The following TMEM132D variants were observed in gnomAD, a reference collection of about 807,000 sequenced individuals.
The protein encoded by TMEM132D is transmembrane protein 132D.
TMEM132D carries 21 observed loss-of-function variants against 62.3 expected under a neutral mutation model. The ratio of observed to expected loss-of-function variants is 0.34; its 90% CI spans 0.24 to 0.49. The LOEUF is 0.49. Ranked by LOEUF, TMEM132D falls within the 20% of genes least tolerant of loss-of-function variation. The pLI is 0.99. For missense variants in TMEM132D, 1,346 were observed against 1,402.8 expected (o/e 0.96, Z 0.65); for synonymous variants, 621 against 575.6 (o/e 1.08, Z -1.13).
At chr12:129,157,174 T>C (rs1877272541) in intron 5 of TMEM132D, among the ~76,000 whole-genome samples, 2 of 151,438 alleles carry the variant, frequency 1.3e-5, no homozygotes, top group Admixed American at 1.3e-4. Flanking sequence ...ATAACTAGCC[T>C]ACTCCCAAGA....
chr12:129,211,500 G>A (rs914650154), intron 4 of TMEM132D, among the ~76,000 whole-genome samples: 5 of 152,150 alleles, frequency 3.3e-5, no homozygotes, highest in Admixed American at 2.0e-4. Context: ...TTAGTAGAAT[G>A]CCAGCAGAAG....
chr12:129,698,791 G>C, intron 2 of TMEM132D, among the ~76,000 whole-genome samples: 1 of 149,122 alleles, frequency 6.7e-6, no homozygotes, highest in Non-Finnish European at 1.5e-5. Flanking sequence ...GAAAGAGAGG[G>C]AGAAAGAAAA....
intron 3 of TMEM132D, among the ~76,000 whole-genome samples, chr12:129,355,822 G>C (rs1284631491): frequency 6.6e-6 from 1 of 152,152 alleles, no homozygotes; most frequent in Non-Finnish European, 1.5e-5. Flanking sequence ...GCCCACAAGC[G>C]CAAAGAGCCT....
intron 5 of TMEM132D, among the ~76,000 whole-genome samples, chr12:129,116,918 C>CAAAAAAAAAAAAAAAAAAAAA (rs60513263): frequency 3.4e-5 from 2 of 58,988 alleles, no homozygotes; most frequent in African/African-American, 6.7e-5. Flanking sequence ...AAAATTTCCG[C>CAAAAAAAAAAAAAAAAAAAAA]AAAAAAAAAA....
chr12:129,631,816 C>T (rs1292206745), intron 2 of TMEM132D, among the ~76,000 whole-genome samples: 3 of 152,102 alleles, frequency 2.0e-5, no homozygotes, highest in African/African-American at 4.8e-5. Context: ...GAGCCATTGG[C>T]ATCCTAAAGA....
intron 3 of TMEM132D, among the ~76,000 whole-genome samples, chr12:129,360,010 A>C (rs1312100939): frequency 6.6e-6 from 1 of 152,130 alleles, no homozygotes; most frequent in African/African-American, 2.4e-5. Context: ...GAAAAAAAAA[A>C]AACCCCATTT....
At chr12:129,773,130 G>A (rs1870811400) in intron 1 of TMEM132D, among the ~76,000 whole-genome samples, 1 of 152,234 alleles carries the variant, frequency 6.6e-6, no homozygotes, top group Non-Finnish European at 1.5e-5. Context: ...TGCCCTGTAG[G>A]CATTCCATTC....
chr12:129,151,534 CA>C, intron 5 of TMEM132D, among the ~76,000 whole-genome samples: 1 of 152,316 alleles, frequency 6.6e-6, no homozygotes, highest in South Asian at 2.1e-4. Context: ...TCACCACACC[CA>C]GGGGTGACAT....
In TMEM132D at chr12:129,529,134, T is replaced by C. The variant is rs529195295; in HGVS notation, c.1115+1925A>G. ...CAGACCCATAGTATGAGGAAACATATCCTGGCCTCCAGAAGACAAGAAGAA... is the reference window on the plus strand; with the variant it reads ...CAGACCCATAGTATGAGGAAACATACCCTGGCCTCCAGAAGACAAGAAGAA... On this transcript the variant is annotated intron_variant, in intron 3 of 8. Coordinates refer to ENST00000422113, the MANE Select transcript of TMEM132D (RefSeq NM_133448.3). 2.6e-5 allele frequency among the ~76,000 whole-genome samples: 4 copies of C among 152,220 alleles called. No homozygotes were observed. In the South Asian group the frequency reaches 8.3e-4, roughly 32 times the overall value.
chr12:129,164,072 T>C (rs1877472428), intron 5 of TMEM132D, among the ~76,000 whole-genome samples: 1 of 151,998 alleles, frequency 6.6e-6, no homozygotes, highest in South Asian at 2.1e-4. Context: ...CTTCAAGGAG[T>C]TACCCAGTAT....
Position 129,087,855 on chromosome 12 carries a change from G to A in TMEM132D, c.1444-3153C>T, listed in dbSNP as rs572143319. Among the ~76,000 whole-genome samples, 109 of 119,894 alleles carry A rather than the reference G, an allele frequency of 9.1e-4. 5 individuals carry two copies. The highest frequency in any genetic ancestry group is 2.9e-3 in the African/African-American group (102 of 35,010). The allele number at this position is 119,894 out of a possible 152,430, so 78.7% of individuals were successfully genotyped here. On this transcript the variant is annotated intron_variant, in intron 5 of 8. Coordinates refer to ENST00000422113, the MANE Select transcript of TMEM132D (RefSeq NM_133448.3). ...GGAGAATGACACACCGCAGAGCCCC[G>A]GGGTGTCCTCCATGACCGGGTGTCC...
At chr12:129,798,814 C>T (rs769351761) in intron 1 of TMEM132D, among the ~76,000 whole-genome samples, 5 of 151,826 alleles carry the variant, frequency 3.3e-5, no homozygotes, top group East Asian at 1.9e-4. Flanking sequence ...AAAGAGGGCT[C>T]GCCCCAGAAT....
chr12:129,873,026 T>C (rs1405954217), intron 1 of TMEM132D, among the ~76,000 whole-genome samples: 1 of 152,152 alleles, frequency 6.6e-6, no homozygotes, highest in South Asian at 2.1e-4. Context: ...AACACCTCAC[T>C]CTTAATCTTG....
chr12:129,783,105 C>A (rs1871166129), intron 1 of TMEM132D, among the ~76,000 whole-genome samples: 1 of 152,196 alleles, frequency 6.6e-6, no homozygotes, highest in African/African-American at 2.4e-5. Context: ...ACAATAGCTG[C>A]AATTTCTCAG....
intron 3 of TMEM132D, among the ~76,000 whole-genome samples, chr12:129,430,291 G>A (rs922575759): frequency 6.6e-6 from 1 of 152,066 alleles, no homozygotes; most frequent in Non-Finnish European, 1.5e-5. Flanking sequence ...GGTGTGAGAT[G>A]GCATCTCGTT....
intron 1 of TMEM132D, among the ~76,000 whole-genome samples, chr12:129,767,459 C>T (rs977927010): frequency 9.9e-5 from 15 of 152,248 alleles, no homozygotes; most frequent in African/African-American, 2.9e-4. Flanking sequence ...TTTTCATCTT[C>T]GGAAACTGAA....
intron 2 of TMEM132D, among the ~76,000 whole-genome samples, chr12:129,619,256 C>G (rs962581463): frequency 6.6e-6 from 1 of 152,104 alleles, no homozygotes; most frequent in Non-Finnish European, 1.5e-5. Context: ...GGTCGAGGGG[C>G]CTTCGAATTT....
chr12:129,259,869 A>T (rs1258681544), intron 4 of TMEM132D, among the ~76,000 whole-genome samples: 1 of 152,196 alleles, frequency 6.6e-6, no homozygotes, highest in East Asian at 1.9e-4. Flanking sequence ...TGACTTGAGC[A>T]ATGGGGCTGA....
rs565634540 is a variant in TMEM132D, at chr12:129,270,897, T to TA, written c.1300-61235dup. ...CATGACAAGGTTTAACTTGTATTGT[T>TA]AAAAAATGGTTGTTGTTGAGTATCT... is the stretch of plus-strand genomic sequence containing the variant. On this transcript the variant is annotated intron_variant, in intron 4 of 8. Coordinates refer to ENST00000422113, the MANE Select transcript of TMEM132D (RefSeq NM_133448.3). Among the ~76,000 whole-genome samples, 72 of 152,350 alleles carry TA rather than the reference T, an allele frequency of 4.7e-4. 1 individual carries two copies. In the South Asian group the frequency reaches 0.014, roughly 30 times the overall value.
Sources: allele counts gnomAD v4.1 joint callset (sites outside exome capture counted in the v4.1 genomes callset), GRCh38; gene constraint gnomAD v4.1.1; transcripts MANE v1.5; gene names NCBI Gene and HGNC (gene_info 2026-07-23, HGNC 2026-07-21).